Variants in CCDC125 observed in about 807,000 individuals in gnomAD.
The protein encoded by CCDC125 is coiled-coil domain containing 125.
Under a neutral mutation model 57.4 loss-of-function variants are expected in CCDC125, and 43 were observed. The observed-to-expected ratio is 0.75, with a 90% CI of 0.59 to 0.97. CCDC125 has a LOEUF of 0.97. Among genes scored for constraint, CCDC125 ranks in the 50% least tolerant of loss-of-function variants. The pLI is 0.00. For missense variants in CCDC125, 563 were observed against 595.7 expected (o/e 0.95, Z 0.57); for synonymous variants, 187 against 195.2 (o/e 0.96, Z 0.35).
intron 1 of CCDC125, among the ~76,000 whole-genome samples, chr5:69,330,405 C>T (rs1177341982): frequency 2.0e-5 from 3 of 151,944 alleles, no homozygotes; most frequent in African/African-American, 7.3e-5. Context: ...ACCAGCCTGG[C>T]CAACATAGTG....
intron 10 of CCDC125, among the ~76,000 whole-genome samples, chr5:69,287,447 G>C (rs1753700681): frequency 6.6e-6 from 1 of 151,490 alleles, no homozygotes; most frequent in Non-Finnish European, 1.5e-5. Flanking sequence ...ATTTTTAGTA[G>C]AGACAGGGTT....
chr5:69,302,224 C>A (rs1209972015), intron 7 of CCDC125, among the ~76,000 whole-genome samples: 2 of 151,108 alleles, frequency 1.3e-5, no homozygotes, highest in Admixed American at 6.6e-5. Context: ...GAGTTTGAGA[C>A]CAGCCTGGTC....
At chr5:69,314,429 T>C (rs1758670226) in intron 2 of CCDC125, among the ~76,000 whole-genome samples, 1 of 150,568 alleles carries the variant, frequency 6.6e-6, no homozygotes, top group Non-Finnish European at 1.5e-5. Flanking sequence ...CGTGCCACTG[T>C]ATTCCAGCCT....
intron 1 of CCDC125, among the ~76,000 whole-genome samples, chr5:69,322,427 G>A (rs116048717): frequency 0.01 from 1,577 of 152,104 alleles, 24 homozygotes; most frequent in African/African-American, 0.037. Context: ...TATTTCCTTG[G>A]ATCCTCAAAT....
Position 69,283,097 on chromosome 5 carries a change from AAGG to A in CCDC125, c.1231-66_1231-64del, listed in dbSNP as rs1752683551. On this transcript the variant is annotated intron_variant, in intron 11 of 11. Coordinates refer to ENST00000396496, the MANE Select transcript of CCDC125 (RefSeq NM_176816.5). ...ATAAATCACAGAATATATTCAGAGA[AAGG>A]AGTATTGTACTATTTTATCAAGTTA... 6 of 1,302,428 alleles carry A rather than the reference AAGG, an allele frequency of 4.6e-6. No homozygotes were observed. The East Asian group carries it at 7.0e-5, about 15-fold the overall frequency. The allele number at this position is 1,302,428 out of a possible 1,614,324, so 80.7% of individuals were successfully genotyped here. A position where few individuals can be genotyped will look rare whatever the true frequency, so the allele number is the denominator to read the frequency against.
chr5:69,279,332 G>C (rs1014811473), downstream of CCDC125, among the ~76,000 whole-genome samples: 2 of 128,466 alleles, frequency 1.6e-5, no homozygotes, highest in Non-Finnish European at 3.1e-5. Flanking sequence ...GAGTAGCTGG[G>C]ACTACAGGTG....
In CCDC125 at chr5:69,282,688, G is replaced by A. The variant is rs370091238; in HGVS notation, c.*41C>T. ...ACAAAATCATTTTTCAAAGTATCTC[G>A]ATATAAACAACTCTCAGTTCCAATT... On this transcript the variant is annotated 3_prime_UTR_variant, in exon 12 of 12. Transcript: ENST00000396496. 22 of 1,460,256 alleles carry A rather than the reference G, an allele frequency of 1.5e-5. No individual in the cohort carries two copies. The highest frequency in any genetic ancestry group is 2.3e-5 in the East Asian group (1 of 42,912). The allele number at this position is 1,460,256 out of a possible 1,614,324, so 90.5% of individuals were successfully genotyped here.
intron 6 of CCDC125, among the ~76,000 whole-genome samples, chr5:69,304,208 G>A (rs1302254544): frequency 6.6e-6 from 1 of 151,472 alleles, no homozygotes. Flanking sequence ...GGGTTCAAGT[G>A]ATTCTCCTGC....
At position 69,317,973 on chromosome 5, in the gene CCDC125, ATTTTTTTTTTTT is replaced by A. The variant is rs34680998; in HGVS notation, c.304+2252_304+2263del. Among the ~76,000 whole-genome samples, 7 of 82,358 alleles carry A rather than the reference ATTTTTTTTTTTT, an allele frequency of 8.5e-5. No homozygotes were observed. The South Asian group carries it at 2.5e-3, about 29-fold the overall frequency. The allele number at this position is 82,358 out of a possible 152,430, so 54.0% of individuals were successfully genotyped here. A position where few individuals can be genotyped will look rare whatever the true frequency, so the allele number is the denominator to read the frequency against. ...AACATAGTGAGACCTTGTCTCTAGA[ATTTTTTTTTTTT>A]TTTTTTTTTTTTTTTGAGACTGAGT... On this transcript the variant is annotated intron_variant, in intron 2 of 11. Coordinates refer to ENST00000396496, the MANE Select transcript of CCDC125 (RefSeq NM_176816.5).
At chr5:69,292,831 TTTC>T (rs1288056647) in intron 9 of CCDC125, among the ~76,000 whole-genome samples, 80 of 152,084 alleles carry the variant, frequency 5.3e-4, no homozygotes, top group East Asian at 9.6e-4. Context: ...CTTCTATTTT[TTTC>T]TTCTTCTTCT....
At position 69,294,774 on chromosome 5, in the gene CCDC125, T is replaced by C; in HGVS notation, c.924+19A>G. 2 of 1,542,798 alleles carry C rather than the reference T, an allele frequency of 1.3e-6. No individual in the cohort carries two copies. Among genetic ancestry groups the C allele is most frequent in the Non-Finnish European group, 1.8e-6 (2 of 1,122,878 alleles). ...AGAGAAACAAAACTAAAGCTTTTGC[T>C]GTTGTGATAACGCAATACCTCTTGT... On this transcript the variant is annotated intron_variant, in intron 9 of 11. Transcript: ENST00000396496.
chr5:69,316,807 G>A (rs946193421), intron 2 of CCDC125, among the ~76,000 whole-genome samples: 2 of 151,908 alleles, frequency 1.3e-5, no homozygotes, highest in African/African-American at 4.8e-5. Context: ...GCTACCAGAC[G>A]TAGCCTGTTT....
intron 1 of CCDC125, among the ~76,000 whole-genome samples, chr5:69,321,307 T>A (rs1264962590): frequency 3.3e-5 from 5 of 152,156 alleles, no homozygotes; most frequent in African/African-American, 9.7e-5. Flanking sequence ...AGCCATAATC[T>A]GTCAATTTTC....
chr5:69,327,415 C>T (rs1212795816), intron 1 of CCDC125, among the ~76,000 whole-genome samples: 3 of 152,150 alleles, frequency 2.0e-5, no homozygotes, highest in African/African-American at 7.2e-5. Flanking sequence ...TTTTTATATG[C>T]TGATAGTAAG....
At chr5:69,330,487 G>A (rs900205158) in intron 1 of CCDC125, among the ~76,000 whole-genome samples, 6 of 151,808 alleles carry the variant, frequency 4.0e-5, no homozygotes, top group African/African-American at 1.2e-4. Context: ...CCAGCTACTC[G>A]GGAGGCTGAG....
chr5:69,276,324 C>T (rs6876595), downstream of CCDC125, among the ~76,000 whole-genome samples: 1,176 of 152,222 alleles, frequency 7.7e-3, 16 homozygotes, highest in African/African-American at 0.026. Context: ...CTACTGTGCC[C>T]GGCCAGTCTT....
intron 10 of CCDC125, among the ~76,000 whole-genome samples, chr5:69,286,815 G>T (rs1753558626): frequency 1.3e-5 from 2 of 152,124 alleles, no homozygotes; most frequent in African/African-American, 4.8e-5. Context: ...ACAGACCACA[G>T]TGACGAGGGC....
Position 69,292,248 on chromosome 5 carries a change from T to C in CCDC125, c.1039A>G (p.Met347Val), listed in dbSNP as rs1754574724. 6.2e-7 allele frequency: 1 copy of C among 1,613,902 alleles called. No individual in the cohort carries two copies. The highest frequency in any genetic ancestry group is 8.5e-7 in the Non-Finnish European group (1 of 1,179,950). Residue 347 changes from methionine to valine, a missense_variant, in exon 10 of 12, where the codon ATG (methionine) becomes GTG (valine). Physicochemically the swap from Met to Val is conservative, Grantham distance 21. Coordinates refer to ENST00000396496, the MANE Select transcript of CCDC125 (RefSeq NM_176816.5). ...GTTGCTTTTTTATGCATTTTATCCA[T>C]TTGTGTCAATTGTAGTGCCTGGTCA... is the stretch of plus-strand genomic sequence containing the variant. ...KNDQALQLTQ[M>V]DKMHKKATKW...
At chr5:69,293,868 A>T (rs1365964950) in intron 9 of CCDC125, among the ~76,000 whole-genome samples, 1 of 152,208 alleles carries the variant, frequency 6.6e-6, no homozygotes, top group Non-Finnish European at 1.5e-5. Context: ...ATTTGTAAGT[A>T]AAGACCAAAT....
Sources: gnomAD v4.1 joint callset for allele counts (sites outside exome capture counted in the v4.1 genomes callset) on GRCh38, gnomAD v4.1.1 for gene constraint, MANE v1.5 for transcripts, NCBI Gene and HGNC (gene_info 2026-07-23, HGNC 2026-07-21) for gene names.